The following PHACTR2 variants were observed in gnomAD, a reference collection of about 807,000 sequenced individuals.
The protein encoded by PHACTR2 is phosphatase and actin regulator 2, also known as chromosome 6 open reading frame 56.
In PHACTR2, 30 loss-of-function variants were observed where a neutral mutation model predicts 76.0. The observed-to-expected ratio is 0.39, with a 90% CI of 0.30 to 0.54. The LOEUF is 0.54. Among genes scored for constraint, PHACTR2 ranks in the 20% least tolerant of loss-of-function variants. PHACTR2 has a pLI of 0.61. For missense variants in PHACTR2, 696 were observed against 781.1 expected (o/e 0.89, Z 1.30); for synonymous variants, 292 against 292.5 (o/e 1.00, Z 0.02).
intron 2 of PHACTR2, 102 bp downstream of exon 2, chr6:143,712,285 A>G (rs953536440): frequency 1.6e-5 from 11 of 687,100 alleles, no homozygotes; most frequent in Non-Finnish European, 1.7e-5. Flanking sequence ...AAAAAAATTA[A>G]TCCGTATTTG....
chr6:143,765,915 G>T lies in PHACTR2; in HGVS notation c.1232+117G>T. On this transcript the variant is annotated intron_variant, in intron 6 of 12. Coordinates refer to ENST00000440869, the MANE Select transcript of PHACTR2 (RefSeq NM_001100164.2). This position sits in a 1 kb window ranked among gnomAD's most constrained non-coding sequence, Gnocchi z 4.1. ...TATAATTTAATCTACTGAGTGTTAG[G>T]TAGGCATACATGTGATCCAACCATT... The T allele has an allele frequency of 1.2e-6, 1 of 840,572 alleles. No individual in the cohort carries two copies. Among genetic ancestry groups the T allele is most frequent in the Non-Finnish European group, 1.8e-6 (1 of 547,602 alleles). The allele number at this position is 840,572 out of a possible 1,614,324, so 52.1% of individuals were successfully genotyped here. A position where few individuals can be genotyped will look rare whatever the true frequency, so the allele number is the denominator to read the frequency against.
chr6:143,581,029 CAG>C lies in PHACTR2; in HGVS notation c.217+43824_217+43825del, dbSNP rs1775566542. 6.6e-6 allele frequency among the ~76,000 whole-genome samples: 1 copy of C among 152,176 alleles called. No homozygotes were observed. Among genetic ancestry groups the C allele is most frequent in the Admixed American group, 6.5e-5 (1 of 15,274 alleles). On this transcript the variant is annotated intron_variant, in intron 1 of 11. Coordinates refer to the PHACTR2 transcript ENST00000367584. This position sits in a 1 kb window ranked among gnomAD's most constrained non-coding sequence, Gnocchi z 4.5. ...CACCTACACATCAGGAGCTCAAAAA[CAG>C]ATATATTCTTTAAATGTCTAGCCAA...
In PHACTR2 at chr6:143,696,269, A is replaced by G. The variant is rs1394239752; in HGVS notation, c.47-15747A>G. ...GCTCCCAGCAATTATCTTGAGACCA[A>G]CGGAGAATGCAGGTAACTGTTTTGG... On this transcript the variant is annotated intron_variant, in intron 1 of 12. Transcript: ENST00000440869. The surrounding 1 kb of genome is among the most constrained non-coding windows in gnomAD (Gnocchi z 4.1). Among the ~76,000 whole-genome samples, 1 of 152,136 alleles carries G rather than the reference A, an allele frequency of 6.6e-6. No homozygotes were observed. Among genetic ancestry groups the G allele is most frequent in the Non-Finnish European group, 1.5e-5 (1 of 68,026 alleles).
In PHACTR2 at chr6:143,823,462, G is replaced by A. The variant is rs11966700; in HGVS notation, c.1923-212G>A. 0.053 allele frequency among the ~76,000 whole-genome samples: 8,023 copies of A among 152,146 alleles called. 237 individuals are homozygous for A. The highest frequency in any genetic ancestry group is 0.12 in the South Asian group (595 of 4,818). ...ATAAGGTTTCCTTATATGCTTATAT[G>A]TAAACATATATATAAGGAAAGCGTT... On this transcript the variant is annotated intron_variant, in intron 12 of 12. Coordinates refer to ENST00000440869, the MANE Select transcript of PHACTR2 (RefSeq NM_001100164.2). The surrounding 1 kb of genome is among the most constrained non-coding windows in gnomAD (Gnocchi z 5.7).
In PHACTR2 at chr6:143,823,571, TG is replaced by T; in HGVS notation, c.1923-99del. 1 of 772,602 alleles carries T rather than the reference TG, an allele frequency of 1.3e-6. No homozygotes were observed. 47.9% of individuals were successfully genotyped at this position (772,602 alleles called of 1,614,324 possible). On this transcript the variant is annotated intron_variant, in intron 12 of 12. Transcript: ENST00000440869. The surrounding 1 kb of genome is among the most constrained non-coding windows in gnomAD (Gnocchi z 5.7). ...AACAGTAATTCAGTTGGGGGATATC[TG>T]GGGTACCTTTTCATTGTAAACATGA... is the stretch of plus-strand genomic sequence containing the variant.
chr6:143,809,284 C>T lies in PHACTR2; in HGVS notation c.1922+2151C>T, dbSNP rs1269044423. 1.3e-5 allele frequency among the ~76,000 whole-genome samples: 2 copies of T among 152,078 alleles called. No homozygotes were observed. The highest frequency in any genetic ancestry group is 2.9e-5 in the Non-Finnish European group (2 of 68,022). Reference sequence around the variant, plus strand: ...GAGGTTCTTTCTGTTCTGTTGTACTCTATATGAAGAAGCACAATAAAATTG... The same window carrying T: ...GAGGTTCTTTCTGTTCTGTTGTACTTTATATGAAGAAGCACAATAAAATTG... On this transcript the variant is annotated intron_variant, in intron 12 of 12. Transcript: ENST00000440869. This position sits in a 1 kb window ranked among gnomAD's most constrained non-coding sequence, Gnocchi z 4.2.
chr6:143,802,004 C>G (rs1341612775), intron 11 of PHACTR2, among the ~76,000 whole-genome samples: 3 of 152,180 alleles, frequency 2.0e-5, no homozygotes, highest in Non-Finnish European at 4.4e-5. Flanking sequence ...ACTCCAGGGT[C>G]TGCATTTTCA....
intron 1 of PHACTR2, among the ~76,000 whole-genome samples, chr6:143,601,634 T>C (rs187508611): frequency 2.0e-5 from 3 of 152,336 alleles, no homozygotes; most frequent in East Asian, 3.9e-4. Context: ...TTCACGGAGA[T>C]AGGCTTTTTA....
At chr6:143,604,132 C>T (rs1438116948), upstream of PHACTR2, among the ~76,000 whole-genome samples, 1 of 149,690 alleles carries the variant, frequency 6.7e-6, no homozygotes, top group Non-Finnish European at 1.5e-5. Flanking sequence ...GAAAAGAAGA[C>T]ACTTTCAGTA....
At chr6:143,650,351 T>C (rs922463525) in intron 1 of PHACTR2, among the ~76,000 whole-genome samples, 4 of 152,286 alleles carry the variant, frequency 2.6e-5, no homozygotes. Context: ...TTAAAATTCA[T>C]GTGGAACCAA....
At chr6:143,573,004 T>C (rs1775464810) in intron 1 of PHACTR2, among the ~76,000 whole-genome samples, 1 of 152,272 alleles carries the variant, frequency 6.6e-6, no homozygotes, top group Non-Finnish European at 1.5e-5. Context: ...TTTTACTTTC[T>C]AATTTGAAAT....
At chr6:143,636,040 T>A (rs1776445876) in intron 1 of PHACTR2, among the ~76,000 whole-genome samples, 1 of 152,140 alleles carries the variant, frequency 6.6e-6, no homozygotes, top group Admixed American at 6.6e-5. Context: ...AAACCTTGTC[T>A]CTACTAAAAG....
chr6:143,809,761 A>T lies in PHACTR2; in HGVS notation c.1922+2628A>T, dbSNP rs1009970721. 1.3e-5 allele frequency among the ~76,000 whole-genome samples: 2 copies of T among 151,950 alleles called. No homozygotes were observed. On this transcript the variant is annotated intron_variant, in intron 12 of 12. Coordinates refer to ENST00000440869, the MANE Select transcript of PHACTR2 (RefSeq NM_001100164.2). This position sits in a 1 kb window ranked among gnomAD's most constrained non-coding sequence, Gnocchi z 4.2. ...TATGTGTATGTACATGTATGCATTT[A>T]TATGTACCCTCTCTCACACATAAAC...
Position 143,647,984 on chromosome 6 carries a change from G to T in PHACTR2, c.13+39662G>T, listed in dbSNP as rs763111918. The stretch of plus-strand genomic sequence containing the variant: ...TGGGGAAGTTGCCCCTGGCTGTGTG[G>T]CCGCAGTGGAAATAAGGGAAGCAGG... On this transcript the variant is annotated intron_variant, in intron 1 of 11. Coordinates refer to the PHACTR2 transcript ENST00000305766. This position sits in a 1 kb window ranked among gnomAD's most constrained non-coding sequence, Gnocchi z 4.2. Among the ~76,000 whole-genome samples the T allele has an allele frequency of 2.2e-4, 34 of 152,324 alleles. No individual in the cohort carries two copies. Among genetic ancestry groups the T allele is most frequent in the Non-Finnish European group, 3.5e-4 (24 of 68,030 alleles).
chr6:143,670,435 G>A (rs1777133565), intron 1 of PHACTR2, among the ~76,000 whole-genome samples: 1 of 152,114 alleles, frequency 6.6e-6, no homozygotes, highest in Non-Finnish European at 1.5e-5. Context: ...CCTGAAGAGT[G>A]TTTTCCAACT....
At chr6:143,762,454 CTT>C (rs1184641001) in intron 5 of PHACTR2, among the ~76,000 whole-genome samples, 1 of 152,196 alleles carries the variant, frequency 6.6e-6, no homozygotes, top group African/African-American at 2.4e-5. Context: ...AAAGGCCTGA[CTT>C]TTCCAGAGGC....
chr6:143,567,115 C>T (rs2128430978), intron 1 of PHACTR2, among the ~76,000 whole-genome samples: 1 of 152,280 alleles, frequency 6.6e-6, no homozygotes, highest in South Asian at 2.1e-4. Flanking sequence ...AGTGGCCTCT[C>T]TTGTCACTGT....
chr6:143,673,566 G>A (rs1777192554), upstream of PHACTR2, among the ~76,000 whole-genome samples: 1 of 152,014 alleles, frequency 6.6e-6, no homozygotes, highest in Admixed American at 6.6e-5. Context: ...TTAGATTTTG[G>A]TCAATAAATT....
Position 143,608,829 on chromosome 6 carries a change from G to C in PHACTR2, c.13+507G>C, listed in dbSNP as rs1053752021. On this transcript the variant is annotated intron_variant, in intron 1 of 11. Transcript: ENST00000305766. This position sits in a 1 kb window ranked among gnomAD's most constrained non-coding sequence, Gnocchi z 4.6. The stretch of plus-strand genomic sequence containing the variant: ...CCTCTGATATTTTAATTTCAGAATA[G>C]AGACATTAGTGGTCAATTGTGAACC... 1.3e-5 allele frequency among the ~76,000 whole-genome samples: 2 copies of C among 152,198 alleles called. No individual in the cohort carries two copies. The highest frequency in any genetic ancestry group is 2.9e-5 in the Non-Finnish European group (2 of 68,030).
Sources: gnomAD v4.1 joint callset for allele counts (sites outside exome capture counted in the v4.1 genomes callset) on GRCh38, gnomAD v4.1.1 for gene constraint, Gnocchi (gnomAD v3.1) non-coding constraint, MANE v1.5 for transcripts, NCBI Gene and HGNC (gene_info 2026-07-23, HGNC 2026-07-21) for gene names.